The following ST8SIA1 variants were observed in gnomAD, a reference collection of about 807,000 sequenced individuals.
ST8SIA1 encodes alpha-N-acetylneuraminide alpha-2,8-sialyltransferase.
Under a neutral mutation model 35.9 loss-of-function variants are expected in ST8SIA1, and 16 were observed. The ratio of observed to expected loss-of-function variants is 0.45; its 90% CI spans 0.30 to 0.68. The LOEUF (loss-of-function observed/expected upper bound fraction) is 0.68, where lower values mean the gene tolerates loss of function less well. Ranked by LOEUF, ST8SIA1 falls within the 30% of genes least tolerant of loss-of-function variation. ST8SIA1 has a pLI of 0.09. For synonymous variants in ST8SIA1, 170 were observed against 169.6 expected (o/e 1.00, Z -0.02); for missense variants, 383 against 453.6 (o/e 0.84, Z 1.41).
intron 1 of ST8SIA1, among the ~76,000 whole-genome samples, chr12:22,324,010 A>G (rs1453131295): frequency 6.6e-6 from 1 of 152,182 alleles, no homozygotes; most frequent in East Asian, 1.9e-4. Context: ...AACTTAAAAT[A>G]CAAGTTGAAA....
chr12:22,228,167 G>A (rs989385306), intron 4 of ST8SIA1, among the ~76,000 whole-genome samples: 1 of 152,204 alleles, frequency 6.6e-6, no homozygotes, highest in African/African-American at 2.4e-5. Flanking sequence ...GAGCAGAAAG[G>A]GCATGGCCCT....
chr12:22,207,604 C>T (rs1279124296), intron 4 of ST8SIA1, among the ~76,000 whole-genome samples: 4 of 151,794 alleles, frequency 2.6e-5, no homozygotes, highest in African/African-American at 4.8e-5. Flanking sequence ...AATTTTTCCA[C>T]GTATGTGTAT....
At chr12:22,303,650 T>C (rs1388644078) in intron 1 of ST8SIA1, among the ~76,000 whole-genome samples, 3 of 152,208 alleles carry the variant, frequency 2.0e-5, no homozygotes, top group Non-Finnish European at 4.4e-5. Flanking sequence ...TTAACTGTTT[T>C]TTGTTTGTTT....
intron 1 of ST8SIA1, among the ~76,000 whole-genome samples, chr12:22,293,180 G>A (rs1866200246): frequency 6.6e-6 from 1 of 152,212 alleles, no homozygotes; most frequent in South Asian, 2.1e-4. Flanking sequence ...TCCTGCCACT[G>A]TATGCTAAAT....
intron 1 of ST8SIA1, among the ~76,000 whole-genome samples, chr12:22,315,474 T>C (rs1866506231): frequency 6.6e-6 from 1 of 152,122 alleles, no homozygotes; most frequent in Non-Finnish European, 1.5e-5. Context: ...GAGCAGAACA[T>C]CTATTTTTCC....
At chr12:22,216,945 T>G (rs529567570) in intron 4 of ST8SIA1, among the ~76,000 whole-genome samples, 1 of 152,364 alleles carries the variant, frequency 6.6e-6, no homozygotes, top group South Asian at 2.1e-4. Context: ...TTTCTATCAC[T>G]GGCTTTTATG....
chr12:22,222,619 T>C (rs1054554022), intron 4 of ST8SIA1, among the ~76,000 whole-genome samples: 4 of 151,904 alleles, frequency 2.6e-5, no homozygotes, highest in Non-Finnish European at 5.9e-5. Flanking sequence ...AGACCATATA[T>C]ATATATATAC....
chr12:22,325,125 A>T (rs1400452722), intron 1 of ST8SIA1: 5 of 264,728 alleles, frequency 1.9e-5, no homozygotes, highest in Non-Finnish European at 3.5e-5. Context: ...AAAGTTTTCT[A>T]TAGTAAATAT....
At chr12:22,234,623 C>G (rs977883488) in intron 4 of ST8SIA1, among the ~76,000 whole-genome samples, 2 of 152,136 alleles carry the variant, frequency 1.3e-5, no homozygotes, top group African/African-American at 4.8e-5. Flanking sequence ...TCTTTATACA[C>G]AATAGATATT....
At chr12:22,296,060 G>A (rs1475851354) in intron 1 of ST8SIA1, among the ~76,000 whole-genome samples, 3 of 152,064 alleles carry the variant, frequency 2.0e-5, no homozygotes, top group African/African-American at 7.2e-5. Flanking sequence ...CTGTTTTGGG[G>A]GGCATAATCT....
At chr12:22,265,402 T>C (rs1865836089) in intron 2 of ST8SIA1, among the ~76,000 whole-genome samples, 4 of 152,174 alleles carry the variant, frequency 2.6e-5, no homozygotes, top group African/African-American at 9.7e-5. Flanking sequence ...AGATTCATTT[T>C]CTCCAAATAC....
At position 22,287,200 on chromosome 12, in the gene ST8SIA1, C is replaced by T; in HGVS notation, c.330G>A (p.Glu110=). The T allele has an allele frequency of 6.2e-7, 1 of 1,614,078 alleles. No homozygotes were observed. Among genetic ancestry groups the T allele is most frequent in the Non-Finnish European group, 8.5e-7 (1 of 1,179,976 alleles). The part of the protein sequence containing the change: ...PMGKSMWYDG[E]FLYSFTIDNS... ...TGTCAATGGTGAATGAGTATAAAAA[C>T]TCCCCGTCATACCACATGCTCTTCC... Residue 110 remains glutamate, a synonymous_variant, in exon 2 of 5, where the codon GAG becomes GAA. Transcript: ENST00000396037.
At chr12:22,203,535 CCTTGATCCAGTAGCCTGCTTT>C (rs1393273053) in intron 4 of ST8SIA1, among the ~76,000 whole-genome samples, 3 of 152,202 alleles carry the variant, frequency 2.0e-5, no homozygotes, top group Non-Finnish European at 2.9e-5. Context: ...GTCTTCATGT[CCTTGATCCAGTAGCCTGCTTT>C]CTTGATCCAG....
chr12:22,239,897 T>C (rs1426928182), intron 4 of ST8SIA1, among the ~76,000 whole-genome samples: 4 of 152,182 alleles, frequency 2.6e-5, no homozygotes, highest in African/African-American at 9.6e-5. Context: ...TTGGTCTCTT[T>C]TCTAAGTTTT....
chr12:22,275,056 C>T (rs1865953473), intron 2 of ST8SIA1, among the ~76,000 whole-genome samples: 2 of 151,978 alleles, frequency 1.3e-5, no homozygotes, highest in African/African-American at 4.8e-5. Context: ...TCAACACTGC[C>T]AGGTGGTTGA....
chr12:22,308,258 A>G (rs1358316824), intron 1 of ST8SIA1, among the ~76,000 whole-genome samples: 1 of 152,244 alleles, frequency 6.6e-6, no homozygotes, highest in Non-Finnish European at 1.5e-5. Context: ...TAAAAATTTG[A>G]AAGTTATAGA....
rs991266276 is a variant in ST8SIA1 at position 22,196,403 on chromosome 12, A to C, written c.*5149T>G. 3.9e-5 allele frequency: 6 copies of C among 152,204 alleles called. No individual in the cohort carries two copies. Among genetic ancestry groups the C allele is most frequent in the African/African-American group, 1.4e-4 (6 of 41,450 alleles). The allele number at this position is 152,204 out of a possible 1,614,324, so 9.4% of individuals were successfully genotyped here. A position where few individuals can be genotyped will look rare whatever the true frequency, so the allele number is the denominator to read the frequency against. ...TCTCACCCCTAAGATGTATGTAAAA[A>C]ATTCAAAAGACAAGTCTGGGCTGAG... On this transcript the variant is annotated 3_prime_UTR_variant, in exon 5 of 5. Coordinates refer to ENST00000396037, the MANE Select transcript of ST8SIA1 (RefSeq NM_003034.4).
intron 1 of ST8SIA1, 183 bp downstream of exon 1, chr12:22,333,814 G>A (rs775755306): frequency 1.3e-6 from 1 of 771,704 alleles, no homozygotes; most frequent in Non-Finnish European, 2.4e-6. Flanking sequence ...TCAGGGGTGG[G>A]GAAGGAACCC....
chr12:22,328,035 G>A (rs955186237), intron 1 of ST8SIA1, among the ~76,000 whole-genome samples: 1 of 152,208 alleles, frequency 6.6e-6, no homozygotes, highest in Non-Finnish European at 1.5e-5. Flanking sequence ...AGACATATTT[G>A]GTTGTCTCAT....
Sources: allele counts gnomAD v4.1 joint callset (sites outside exome capture counted in the v4.1 genomes callset), GRCh38; gene constraint gnomAD v4.1.1; transcripts MANE v1.5; gene names NCBI Gene and HGNC (gene_info 2026-07-23, HGNC 2026-07-21).